Variants in GALNT17 observed in about 807,000 individuals in gnomAD.
GALNT17 encodes polypeptide N-acetylgalactosaminyltransferase 17, also known as UDP-GalNAc:polypeptide N-acetylgalactosaminyltransferase-like 3.
Under a neutral mutation model 63.7 loss-of-function variants are expected in GALNT17, and 29 were observed. The observed-to-expected ratio is 0.46, with a 90% CI of 0.34 to 0.62. The LOEUF (loss-of-function observed/expected upper bound fraction) is 0.62. Among genes scored for constraint, GALNT17 ranks in the 20% least tolerant of loss-of-function variants. The pLI is 0.01. For missense variants in GALNT17, 603 were observed against 799.6 expected, an observed-to-expected ratio of 0.75 and a Z score of 2.97; for synonymous variants, 305 against 318.3, an observed-to-expected ratio of 0.96 and a Z score of 0.45.
At chr7:71,577,258 G>A (rs979633719) in intron 6 of GALNT17, among the ~76,000 whole-genome samples, 1 of 152,134 alleles carries the variant, frequency 6.6e-6, no homozygotes, top group Admixed American at 6.5e-5. Context: ...TACCTATTGG[G>A]TACTATGTTC....
chr7:71,481,516 A>G (rs752963271), intron 5 of GALNT17, among the ~76,000 whole-genome samples: 1 of 152,076 alleles, frequency 6.6e-6, no homozygotes, highest in African/African-American at 2.4e-5. Context: ...TGGCTGAACT[A>G]CACTTCCCAG....
chr7:71,567,568 G>A (rs1329955851), intron 5 of GALNT17, among the ~76,000 whole-genome samples: 1 of 152,194 alleles, frequency 6.6e-6, no homozygotes, highest in African/African-American at 2.4e-5. Context: ...AGGTTCAAGC[G>A]ATTCTCCTGC....
chr7:71,707,351 G>A (rs1476024596), intron 9 of GALNT17, among the ~76,000 whole-genome samples: 1 of 152,052 alleles, frequency 6.6e-6, no homozygotes, highest in Non-Finnish European at 1.5e-5. Flanking sequence ...ATGAATGAAT[G>A]CATTTTTTTT....
At chr7:71,426,474 T>A (rs532678705) in intron 5 of GALNT17, among the ~76,000 whole-genome samples, 20 of 152,326 alleles carry the variant, frequency 1.3e-4, no homozygotes, top group African/African-American at 4.8e-4. Flanking sequence ...TACAAAGAAA[T>A]GCCTGAGGCT....
At chr7:71,508,351 A>G (rs1359912216) in intron 5 of GALNT17, among the ~76,000 whole-genome samples, 1 of 152,236 alleles carries the variant, frequency 6.6e-6, no homozygotes, top group Admixed American at 6.5e-5. Context: ...TGGAAATATT[A>G]GAGCAATTTG....
chr7:71,148,577 A>T (rs2116204132), intron 1 of GALNT17, among the ~76,000 whole-genome samples: 1 of 152,202 alleles, frequency 6.6e-6, no homozygotes, highest in African/African-American at 2.4e-5. Flanking sequence ...CTCTACCCCT[A>T]ATACATTCCA....
chr7:71,391,300 A>G (rs192751057), intron 3 of GALNT17, among the ~76,000 whole-genome samples: 158 of 152,248 alleles, frequency 1.0e-3, no homozygotes, highest in Non-Finnish European at 2.0e-3. Context: ...GAGGAAATCT[A>G]GGTAGAGCCC....
intron 5 of GALNT17, among the ~76,000 whole-genome samples, chr7:71,561,553 A>T (rs1789256201): frequency 6.6e-6 from 1 of 152,200 alleles, no homozygotes; most frequent in Non-Finnish European, 1.5e-5. Flanking sequence ...CTGAGGTCAG[A>T]GAAAAGCAGC....
intron 5 of GALNT17, among the ~76,000 whole-genome samples, chr7:71,545,803 C>T (rs1788974110): frequency 6.6e-6 from 1 of 152,166 alleles, no homozygotes; most frequent in Admixed American, 6.5e-5. Context: ...CTATTAAGAG[C>T]TCATCTTTGA....
At position 71,522,707 on chromosome 7, in the gene GALNT17, C is replaced by T. The variant is rs145022756; in HGVS notation, c.963-48578C>T. On this transcript the variant is annotated intron_variant, in intron 5 of 10. Coordinates refer to ENST00000333538, the MANE Select transcript of GALNT17 (RefSeq NM_022479.3). ...CCGCATCACAGACCACATCCACCAG[C>T]GCTGCAATGCAAGGCTTGGTTTTCA... 6.4e-3 allele frequency among the ~76,000 whole-genome samples: 975 copies of T among 152,224 alleles called. 46 individuals are homozygous for T. The highest frequency in any genetic ancestry group is 2.0e-3 in the Non-Finnish European group (136 of 68,024).
At chr7:71,270,960 A>G (rs1790577703) in intron 1 of GALNT17, among the ~76,000 whole-genome samples, 1 of 151,484 alleles carries the variant, frequency 6.6e-6, no homozygotes, top group Non-Finnish European at 1.5e-5. Context: ...AGAAGAAAAG[A>G]AAAGAAAAAA....
intron 2 of GALNT17, among the ~76,000 whole-genome samples, chr7:71,355,086 T>TC (rs1293623943): frequency 6.6e-6 from 1 of 152,182 alleles, no homozygotes; most frequent in African/African-American, 2.4e-5. Context: ...TTCTCTTTTT[T>TC]CCCATAAGTT....
chr7:71,683,377 TG>T (rs1791299856), intron 9 of GALNT17, among the ~76,000 whole-genome samples: 1 of 152,144 alleles, frequency 6.6e-6, no homozygotes, highest in African/African-American at 2.4e-5. Flanking sequence ...CCTTCTAAAC[TG>T]CTTCCCAAAA....
intron 5 of GALNT17, among the ~76,000 whole-genome samples, chr7:71,562,165 A>C (rs1334637545): frequency 6.6e-6 from 1 of 152,010 alleles, no homozygotes; most frequent in South Asian, 2.1e-4. Context: ...TAGTCTCACT[A>C]TGCTGCCCGG....
intron 5 of GALNT17, among the ~76,000 whole-genome samples, chr7:71,431,116 TCTATGTGTC>T (rs1453489273): frequency 6.6e-6 from 1 of 152,126 alleles, no homozygotes; most frequent in Non-Finnish European, 1.5e-5. Context: ...ACCACAGTGT[TCTATGTGTC>T]AGGTACAGTT....
chr7:71,161,413 T>A (rs773310486), intron 1 of GALNT17, among the ~76,000 whole-genome samples: 9 of 152,324 alleles, frequency 5.9e-5, no homozygotes, highest in South Asian at 4.1e-4. Context: ...GTTGATTAAT[T>A]CAATTGTTGA....
intron 1 of GALNT17, among the ~76,000 whole-genome samples, chr7:71,212,637 A>G (rs996087365): frequency 3.3e-5 from 5 of 152,166 alleles, no homozygotes; most frequent in Admixed American, 1.3e-4. Context: ...GCTATACCCT[A>G]CAAAGCCACA....
intron 5 of GALNT17, among the ~76,000 whole-genome samples, chr7:71,512,305 C>T (rs1166946752): frequency 6.6e-6 from 1 of 152,000 alleles, no homozygotes; most frequent in African/African-American, 2.4e-5. Flanking sequence ...TGTGCCCGGC[C>T]CTGGGTTGCA....
At chr7:71,267,911 C>G (rs1211275857) in intron 1 of GALNT17, among the ~76,000 whole-genome samples, 2 of 140,600 alleles carry the variant, frequency 1.4e-5, no homozygotes, top group Non-Finnish European at 3.1e-5. Flanking sequence ...CTCCCTGTGT[C>G]CATGTGGAGA....
Sources: gnomAD v4.1 joint callset for allele counts (sites outside exome capture counted in the v4.1 genomes callset) on GRCh38, gnomAD v4.1.1 for gene constraint, MANE v1.5 for transcripts, NCBI Gene and HGNC (gene_info 2026-07-23, HGNC 2026-07-21) for gene names.